The following IL1RAPL1 variants were observed in gnomAD, a reference collection of about 807,000 sequenced individuals.
The protein encoded by IL1RAPL1 is interleukin 1 receptor accessory protein like 1, also known as interleukin-1 receptor accessory protein-like 1.
IL1RAPL1 carries 3 observed loss-of-function variants against 48.4 expected under a neutral mutation model. That is an observed-to-expected ratio of 0.06 (90% CI 0.03 to 0.16). The LOEUF is 0.16. IL1RAPL1 is among the 10% of genes least tolerant of loss of function. IL1RAPL1 has a pLI of 1.00. For synonymous variants in IL1RAPL1, 185 were observed against 187.7 expected (o/e 0.99, Z 0.12); for missense variants, 349 against 530.6 (o/e 0.66, Z 3.36).
intron 5 of IL1RAPL1, among the ~76,000 whole-genome samples, chrX:29,498,622 A>C (rs1424946330): frequency 9.0e-6 from 1 of 110,841 alleles, no homozygotes; most frequent in Non-Finnish European, 1.9e-5. Context: ...TCATCATTTA[A>C]AAATTAGCAC....
intron 6 of IL1RAPL1, among the ~76,000 whole-genome samples, chrX:29,689,320 G>C (rs1926715298): frequency 8.9e-6 from 1 of 111,779 alleles, no homozygotes; most frequent in Non-Finnish European, 1.9e-5. Context: ...AGCAGAGTCA[G>C]ATATTAAAAA....
At chrX:28,616,622 C>T (rs1014295220) in intron 1 of IL1RAPL1, among the ~76,000 whole-genome samples, 1 of 110,591 alleles carries the variant, frequency 9.0e-6, no homozygotes, top group African/African-American at 3.3e-5. Context: ...TTAGTAGAGA[C>T]GGGGTTTCAC....
At chrX:29,828,237 G>A (rs1018909608) in intron 6 of IL1RAPL1, among the ~76,000 whole-genome samples, 1 of 111,578 alleles carries the variant, frequency 9.0e-6, no homozygotes, top group African/African-American at 3.3e-5. Context: ...AGCAGGTCTT[G>A]GTAAAATACT....
At chrX:28,960,137 CTATGTGTTAAAT>C (rs1483141748) in intron 2 of IL1RAPL1, among the ~76,000 whole-genome samples, 1 of 111,681 alleles carries the variant, frequency 9.0e-6, no homozygotes, top group African/African-American at 3.2e-5. Context: ...ACGTGTATAC[CTATGTGTTAAAT>C]TATGTGTTAA....
At chrX:28,721,669 C>T (rs1326256049) in intron 1 of IL1RAPL1, among the ~76,000 whole-genome samples, 1 of 110,985 alleles carries the variant, frequency 9.0e-6, no homozygotes, top group Non-Finnish European at 1.9e-5. Flanking sequence ...AGTCCTTGCC[C>T]GTGCCTATGT....
Position 28,701,894 on chromosome X carries a change from A to G in IL1RAPL1, c.-24-87426A>G, listed in dbSNP as rs767859378. ...TCTAATGATTTACTAAAATGAAGGC[A>G]TAATTTACAACATGTATTATACATC... is the stretch of plus-strand genomic sequence containing the variant. On this transcript the variant is annotated intron_variant, in intron 1 of 10. Transcript: ENST00000378993. Among the ~76,000 whole-genome samples the G allele has an allele frequency of 1.2e-4, 13 of 112,015 alleles. No individual in the cohort carries two copies. In the East Asian group the frequency reaches 3.1e-3, roughly 27 times the overall value.
intron 6 of IL1RAPL1, among the ~76,000 whole-genome samples, chrX:29,690,244 G>A (rs1316791172): frequency 8.9e-6 from 1 of 111,804 alleles, no homozygotes; most frequent in Admixed American, 9.5e-5. Flanking sequence ...GTGGTTACAC[G>A]ACGATAGTAC....
intron 2 of IL1RAPL1, among the ~76,000 whole-genome samples, chrX:28,801,101 C>T (rs923655430): frequency 2.9e-4 from 32 of 109,716 alleles, no homozygotes; most frequent in Non-Finnish European, 5.3e-4. Context: ...AGGGTGGTCT[C>T]GAACTCCTGA....
intron 1 of IL1RAPL1, among the ~76,000 whole-genome samples, chrX:28,651,022 T>C (rs755430901): frequency 8.9e-6 from 1 of 112,145 alleles, no homozygotes; most frequent in African/African-American, 3.2e-5. Flanking sequence ...CTCATGTGAC[T>C]GGGTTTCAGT....
intron 5 of IL1RAPL1, among the ~76,000 whole-genome samples, chrX:29,638,618 A>G (rs922303511): frequency 1.8e-5 from 2 of 111,859 alleles, no homozygotes; most frequent in African/African-American, 6.5e-5. Flanking sequence ...ACAATGCCCA[A>G]CTTGCAAATG....
At chrX:29,473,363 G>A (rs962302843) in intron 5 of IL1RAPL1, among the ~76,000 whole-genome samples, 2 of 111,094 alleles carry the variant, frequency 1.8e-5, no homozygotes, top group Non-Finnish European at 3.8e-5. Flanking sequence ...GGTTAAAGCT[G>A]CAATATATAA....
chrX:29,793,635 T>C (rs1179484463), intron 6 of IL1RAPL1, among the ~76,000 whole-genome samples: 1 of 111,928 alleles, frequency 8.9e-6, no homozygotes, highest in Non-Finnish European at 1.9e-5. Context: ...TTATTACTTA[T>C]CATATTTATT....
At chrX:29,585,432 T>A (rs770494823) in intron 5 of IL1RAPL1, among the ~76,000 whole-genome samples, 12 of 112,499 alleles carry the variant, frequency 1.1e-4, no homozygotes, top group Non-Finnish European at 2.3e-4. Flanking sequence ...TATCCATTCA[T>A]CTGTTAATGC....
At chrX:29,814,623 T>G (rs1452105150) in intron 6 of IL1RAPL1, among the ~76,000 whole-genome samples, 1 of 111,945 alleles carries the variant, frequency 8.9e-6, no homozygotes, top group East Asian at 2.8e-4. Context: ...TTGCAATTGC[T>G]TTAGAGGACT....
intron 1 of IL1RAPL1, among the ~76,000 whole-genome samples, chrX:28,635,533 T>C (rs1414206128): frequency 1.8e-5 from 2 of 112,072 alleles, no homozygotes; most frequent in African/African-American, 6.5e-5. Flanking sequence ...TTTTTTTATA[T>C]ATAAAATAGG....
intron 9 of IL1RAPL1, among the ~76,000 whole-genome samples, chrX:29,946,208 A>G (rs748207142): frequency 8.9e-6 from 1 of 112,373 alleles, no homozygotes; most frequent in Admixed American, 9.4e-5. Flanking sequence ...TTCTAACAGA[A>G]TTATCTAAGT....
At chrX:29,295,480 T>C (rs1932436393) in intron 3 of IL1RAPL1, among the ~76,000 whole-genome samples, 2 of 112,115 alleles carry the variant, frequency 1.8e-5, no homozygotes, top group Non-Finnish European at 3.8e-5. Flanking sequence ...TTTGCATCTT[T>C]GCATCTTTGC....
chrX:29,069,670 C>CACACACACACACA (rs59221015), intron 2 of IL1RAPL1, among the ~76,000 whole-genome samples: 2 of 105,130 alleles, frequency 1.9e-5, no homozygotes, highest in Non-Finnish European at 3.9e-5. Flanking sequence ...CACACACACA[C>CACACACACACACA]CCCTCCCCTT....
intron 6 of IL1RAPL1, among the ~76,000 whole-genome samples, chrX:29,815,452 T>C (rs1180113275): frequency 8.9e-6 from 1 of 111,946 alleles, no homozygotes; most frequent in Non-Finnish European, 1.9e-5. Context: ...TTTAATGAAA[T>C]CATTTATCAG....
Sources: allele counts gnomAD v4.1 joint callset (sites outside exome capture counted in the v4.1 genomes callset), GRCh38; gene constraint gnomAD v4.1.1; transcripts MANE v1.5; gene names NCBI Gene and HGNC (gene_info 2026-07-23, HGNC 2026-07-21).